Variants in NTSR1 observed in about 807,000 individuals in gnomAD.
The protein encoded by NTSR1 is neurotensin receptor type 1.
NTSR1 carries 29 observed loss-of-function variants against 31.2 expected under a neutral mutation model. The observed-to-expected ratio is 0.93, with a 90% CI of 0.69 to 1.27. NTSR1 has a LOEUF of 1.27. NTSR1 is among the 50% of genes most tolerant of loss of function. NTSR1 has a pLI of 0.00. For synonymous variants in NTSR1, 282 were observed against 269.9 expected (o/e 1.04, Z -0.44); for missense variants, 697 against 595.4 (o/e 1.17, Z -1.78).
rs939153084 is a variant in NTSR1, at chr20:62,741,242, C to A, written c.715-13443C>A. On this transcript the variant is annotated intron_variant, in intron 1 of 3. Transcript: ENST00000370501. The surrounding 1 kb of genome is among the most constrained non-coding windows in gnomAD (Gnocchi z 4.3). ...GGCTGCTGCCAGTCCCGCAGCTCAG[C>A]CGGGCACAGACAGGATGTGGCTTCC... Among the ~76,000 whole-genome samples the A allele has an allele frequency of 6.4e-4, 97 of 152,366 alleles. No individual in the cohort carries two copies. Among genetic ancestry groups the A allele is most frequent in the Non-Finnish European group, 7.5e-4 (51 of 68,030 alleles).
Position 62,724,576 on chromosome 20 carries a change from C to T in NTSR1, c.714+14655C>T, listed in dbSNP as rs554033321. On this transcript the variant is annotated intron_variant, in intron 1 of 3. Transcript: ENST00000370501. ...TCAGAAAGCCTCCAGTTAAAACCAG[C>T]GGGGTGGAGATCTGTGTTTTGACAG... is the stretch of plus-strand genomic sequence containing the variant. 2.6e-5 allele frequency among the ~76,000 whole-genome samples: 4 copies of T among 152,354 alleles called. No homozygotes were observed. The South Asian group carries it at 8.3e-4, about 32-fold the overall frequency.
chr20:62,728,401 A>T (rs918848996), intron 1 of NTSR1, among the ~76,000 whole-genome samples: 6 of 152,300 alleles, frequency 3.9e-5, no homozygotes, highest in Non-Finnish European at 8.8e-5. Context: ...GGGTGGGTGC[A>T]GACACTACTG....
chr20:62,757,144 A>G (rs977767361), intron 2 of NTSR1, among the ~76,000 whole-genome samples: 8 of 152,212 alleles, frequency 5.3e-5, no homozygotes, highest in African/African-American at 1.9e-4. Flanking sequence ...TACCCAAGAA[A>G]TCATTGCCAA....
intron 1 of NTSR1, among the ~76,000 whole-genome samples, chr20:62,730,900 C>T (rs1392590447): frequency 6.6e-6 from 1 of 152,162 alleles, no homozygotes; most frequent in Non-Finnish European, 1.5e-5. Context: ...GGTGTCTATT[C>T]AGATGTTTTG....
rs1989597291 is a variant in NTSR1, at chr20:62,760,344, C to T, written c.*77C>T. 13 of 1,506,650 alleles carry T rather than the reference C, an allele frequency of 8.6e-6. No individual in the cohort carries two copies. Among genetic ancestry groups the T allele is most frequent in the South Asian group, 2.6e-5 (2 of 78,368 alleles). The allele number at this position is 1,506,650 out of a possible 1,614,324, so 93.3% of individuals were successfully genotyped here. A position where few individuals can be genotyped will look rare whatever the true frequency, so the allele number is the denominator to read the frequency against. On this transcript the variant is annotated 3_prime_UTR_variant, in exon 4 of 4. Transcript: ENST00000370501. Reference sequence around the variant, plus strand: ...CCCGACAGACAGAGCAGCCCCCACCCGGGAGCCTTGATGGGGGTCAGGCAG... The same window carrying T: ...CCCGACAGACAGAGCAGCCCCCACCTGGGAGCCTTGATGGGGGTCAGGCAG...
In NTSR1 at chr20:62,761,671, G is replaced by A. The variant is rs894642186; in HGVS notation, c.*1404G>A. The A allele has an allele frequency of 3.9e-5, 6 of 152,202 alleles. No homozygotes were observed. Among genetic ancestry groups the A allele is most frequent in the South Asian group, 2.1e-4 (1 of 4,830 alleles). The allele number at this position is 152,202 out of a possible 1,614,324, so 9.4% of individuals were successfully genotyped here. ...GGGCTCTGGGCTGGCTGCCTGCACC[G>A]GCCATGTCGACCCAGGACCCGGACA... On this transcript the variant is annotated 3_prime_UTR_variant, in exon 4 of 4. Transcript: ENST00000370501.
rs1260204492 is a variant in NTSR1, at chr20:62,714,481, T to C, written c.714+4560T>C. 6.6e-6 allele frequency among the ~76,000 whole-genome samples: 1 copy of C among 152,164 alleles called. No homozygotes were observed. Among genetic ancestry groups the C allele is most frequent in the Non-Finnish European group, 1.5e-5 (1 of 68,008 alleles). On this transcript the variant is annotated intron_variant, in intron 1 of 3. Coordinates refer to ENST00000370501, the MANE Select transcript of NTSR1 (RefSeq NM_002531.3). This position sits in a 1 kb window ranked among gnomAD's most constrained non-coding sequence, Gnocchi z 4.1. Reference sequence around the variant, plus strand: ...TACCACCCATCAGGTGCAATCCTCATAAATCAATGGATGTAGGCATGGATT... The same window carrying C: ...TACCACCCATCAGGTGCAATCCTCACAAATCAATGGATGTAGGCATGGATT...
chr20:62,740,261 G>C (rs1023683557), intron 1 of NTSR1, among the ~76,000 whole-genome samples: 9 of 152,250 alleles, frequency 5.9e-5, no homozygotes, highest in Non-Finnish European at 1.3e-4. Flanking sequence ...GATCGAACGG[G>C]CTCATTCGCA....
At chr20:62,756,126 C>T (rs1363219894) in intron 2 of NTSR1, among the ~76,000 whole-genome samples, 2 of 151,854 alleles carry the variant, frequency 1.3e-5, no homozygotes, top group Non-Finnish European at 2.9e-5. Flanking sequence ...AGGGGCTCCA[C>T]CAAGGACACA....
At chr20:62,748,209 A>G (rs1478779741) in intron 1 of NTSR1, among the ~76,000 whole-genome samples, 1 of 152,044 alleles carries the variant, frequency 6.6e-6, no homozygotes, top group Non-Finnish European at 1.5e-5. Flanking sequence ...CATTTACAAT[A>G]GCATCAAAAA....
intron 1 of NTSR1, among the ~76,000 whole-genome samples, chr20:62,726,856 T>C (rs1038056009): frequency 1.3e-5 from 2 of 152,088 alleles, no homozygotes; most frequent in African/African-American, 4.8e-5. Flanking sequence ...GCCAAGATGC[T>C]CACAGGACGG....
In NTSR1 at chr20:62,745,717, C is replaced by T. The variant is rs1043106536; in HGVS notation, c.715-8968C>T. The stretch of plus-strand genomic sequence containing the variant: ...TCCAAATCCAGCTTGGCGTGGACCT[C>T]GCTGGGACTGGATGGCCTTCTCTAC... On this transcript the variant is annotated intron_variant, in intron 1 of 3. Coordinates refer to ENST00000370501, the MANE Select transcript of NTSR1 (RefSeq NM_002531.3). The surrounding 1 kb of genome is among the most constrained non-coding windows in gnomAD (Gnocchi z 4.1). Among the ~76,000 whole-genome samples the T allele has an allele frequency of 4.6e-5, 7 of 152,256 alleles. No individual in the cohort carries two copies. The highest frequency in any genetic ancestry group is 5.9e-5 in the Non-Finnish European group (4 of 68,042).
chr20:62,716,156 T>C (rs1988713495), intron 1 of NTSR1, among the ~76,000 whole-genome samples: 1 of 152,008 alleles, frequency 6.6e-6, no homozygotes, highest in Non-Finnish European at 1.5e-5. Context: ...TCCAGAACCT[T>C]CTCTCTCCCC....
In NTSR1 at chr20:62,727,461, G is replaced by A. The variant is rs1339743536; in HGVS notation, c.714+17540G>A. On this transcript the variant is annotated intron_variant, in intron 1 of 3. Transcript: ENST00000370501. The stretch of plus-strand genomic sequence containing the variant: ...CCACGGGTTCTGCCCCAGAGATAGC[G>A]CCAGCTGGACTGCCGGCGGGTCTGG... 3.3e-5 allele frequency among the ~76,000 whole-genome samples: 5 copies of A among 152,208 alleles called. No homozygotes were observed. The East Asian group carries it at 5.8e-4, about 18-fold the overall frequency.
intron 1 of NTSR1, among the ~76,000 whole-genome samples, chr20:62,748,035 C>T (rs1326188186): frequency 1.3e-5 from 2 of 151,940 alleles, no homozygotes; most frequent in Admixed American, 6.6e-5. Flanking sequence ...ATTAGCTGGG[C>T]GTGGTGGTGT....
chr20:62,748,924 C>T (rs147150119), intron 1 of NTSR1, among the ~76,000 whole-genome samples: 2 of 152,180 alleles, frequency 1.3e-5, no homozygotes, highest in East Asian at 1.9e-4. Flanking sequence ...TTCCGAGAGT[C>T]CCCCCAGCAA....
Position 62,711,223 on chromosome 20 carries a change from G to C in NTSR1, c.714+1302G>C, listed in dbSNP as rs1488225068. Among the ~76,000 whole-genome samples the C allele has an allele frequency of 6.6e-6, 1 of 152,168 alleles. No individual in the cohort carries two copies. The highest frequency in any genetic ancestry group is 2.4e-5 in the African/African-American group (1 of 41,448). ...CTGGTGGCTACAGGTGTCCCATCTC[G>C]GGGAGGCCCCTCCCACAGACACTGG... On this transcript the variant is annotated intron_variant, in intron 1 of 3. Coordinates refer to ENST00000370501, the MANE Select transcript of NTSR1 (RefSeq NM_002531.3). The surrounding 1 kb of genome is among the most constrained non-coding windows in gnomAD (Gnocchi z 6.4).
chr20:62,709,993 T>A (rs1988576366), intron 1 of NTSR1, 72 bp downstream of exon 1: 9 of 1,251,186 alleles, frequency 7.2e-6, no homozygotes, highest in Non-Finnish European at 9.9e-6. Context: ...GTGTGCCTTC[T>A]GGGTAGGGAG....
chr20:62,752,610 C>T (rs1989413213), intron 1 of NTSR1, among the ~76,000 whole-genome samples: 1 of 152,244 alleles, frequency 6.6e-6, no homozygotes, highest in South Asian at 2.1e-4. Context: ...AACCCACCAG[C>T]CCCCAGAGGT....
Sources: gnomAD v4.1 joint callset for allele counts (sites outside exome capture counted in the v4.1 genomes callset) on GRCh38, gnomAD v4.1.1 for gene constraint, Gnocchi (gnomAD v3.1) non-coding constraint, MANE v1.5 for transcripts, NCBI Gene and HGNC (gene_info 2026-07-23, HGNC 2026-07-21) for gene names.